The following PRKN variants were observed in gnomAD, a reference collection of about 807,000 sequenced individuals.
PRKN encodes parkin RBR E3 ubiquitin protein ligase, also known as E3 ubiquitin-protein ligase parkin.
PRKN carries 56 observed loss-of-function variants against 59.5 expected under a neutral mutation model. The ratio of observed to expected loss-of-function variants is 0.94; its 90% confidence interval spans 0.76 to 1.18. PRKN has a LOEUF of 1.18. Among genes scored for constraint, PRKN ranks in the 50% most tolerant of loss-of-function variants. The pLI is 0.00. For missense variants in PRKN, 657 were observed against 596.4 expected, an observed-to-expected ratio of 1.10 and a Z score of -1.06; for synonymous variants, 250 against 222.1, an observed-to-expected ratio of 1.13 and a Z score of -1.12.
At position 161,475,794 on chromosome 6, in the gene PRKN, T is replaced by C. The variant is rs1791036653; in HGVS notation, c.1083+73060A>G. Among the ~76,000 whole-genome samples, 1 of 152,178 alleles carries C rather than the reference T, an allele frequency of 6.6e-6. No homozygotes were observed. Among genetic ancestry groups the C allele is most frequent in the South Asian group, 2.1e-4 (1 of 4,828 alleles). On this transcript the variant is annotated intron_variant, in intron 9 of 11. Coordinates refer to ENST00000366898, the MANE Select transcript of PRKN (RefSeq NM_004562.3). The surrounding 1 kb of genome is among the most constrained non-coding windows in gnomAD (Gnocchi z 5.3). Reference sequence around the variant, plus strand: ...CTGGCCTGACTTGTTATTTAATTCATTCATAAAGAAACACATATTAAAAAC... The same window carrying C: ...CTGGCCTGACTTGTTATTTAATTCACTCATAAAGAAACACATATTAAAAAC...
intron 2 of PRKN, among the ~76,000 whole-genome samples, chr6:162,271,016 G>GTTTTTTTTT (rs61368267): frequency 3.7e-5 from 4 of 108,256 alleles, no homozygotes; most frequent in South Asian, 3.4e-4. Flanking sequence ...TAATTTTCTA[G>GTTTTTTTTT]TTTTTTTTTT....
chr6:162,579,896 G>A (rs879925064), intron 1 of PRKN, among the ~76,000 whole-genome samples: 17 of 152,106 alleles, frequency 1.1e-4, no homozygotes, highest in Admixed American at 9.8e-4. Flanking sequence ...TTTGCATGCC[G>A]ACATATACAC....
intron 1 of PRKN, among the ~76,000 whole-genome samples, chr6:162,489,042 G>A (rs1186060822): frequency 1.3e-5 from 2 of 151,602 alleles, no homozygotes; most frequent in African/African-American, 2.4e-5. Flanking sequence ...TTGGCACAGG[G>A]AGAAAGGAGC....
At chr6:162,094,084 T>C (rs1779626465) in intron 4 of PRKN, among the ~76,000 whole-genome samples, 1 of 152,032 alleles carries the variant, frequency 6.6e-6, no homozygotes, top group Admixed American at 6.6e-5. Context: ...AGGCAGCACG[T>C]CGAGATGAGA....
At chr6:161,672,363 T>C (rs1446163411) in intron 7 of PRKN, among the ~76,000 whole-genome samples, 1 of 152,262 alleles carries the variant, frequency 6.6e-6, no homozygotes, top group Non-Finnish European at 1.5e-5. Flanking sequence ...AACACAATTT[T>C]AATAACTATA....
chr6:162,372,641 A>G (rs1785830627), intron 2 of PRKN, among the ~76,000 whole-genome samples: 1 of 152,122 alleles, frequency 6.6e-6, no homozygotes, highest in South Asian at 2.1e-4. Flanking sequence ...AATGATTTGA[A>G]CCCCAAAGCT....
intron 2 of PRKN, among the ~76,000 whole-genome samples, chr6:162,276,144 A>G (rs566916458): frequency 3.5e-4 from 53 of 152,322 alleles, no homozygotes; most frequent in Admixed American, 2.4e-3. Context: ...AAGATAAAAT[A>G]CATCACGAGT....
intron 3 of PRKN, among the ~76,000 whole-genome samples, chr6:162,205,980 T>G (rs769982395): frequency 2.0e-5 from 3 of 152,172 alleles, no homozygotes; most frequent in Non-Finnish European, 4.4e-5. Context: ...CACTGGGCAG[T>G]GAAACAGCTT....
rs563426971 is a variant in PRKN, at chr6:161,904,610, C to T, written c.734+68692G>A. ...GATTACAGGCGTAAGCCACTGCACC[C>T]GACCTCAAATTTGTTTTTAAAAACA... On this transcript the variant is annotated intron_variant, in intron 6 of 11. Coordinates refer to ENST00000366898, the MANE Select transcript of PRKN (RefSeq NM_004562.3). Among the ~76,000 whole-genome samples, 10 of 152,248 alleles carry T rather than the reference C, an allele frequency of 6.6e-5. No individual in the cohort carries two copies. The East Asian group carries it at 7.7e-4, about 12-fold the overall frequency.
chr6:161,780,278 TG>T (rs1451509990), intron 7 of PRKN, among the ~76,000 whole-genome samples: 1 of 152,152 alleles, frequency 6.6e-6, no homozygotes, highest in African/African-American at 2.4e-5. Context: ...TTGTGAAAAA[TG>T]GTTCACTGGT....
chr6:162,263,317 A>T (rs1427964988), intron 2 of PRKN: 1 of 189,642 alleles, frequency 5.3e-6, no homozygotes, highest in Non-Finnish European at 1.1e-5. Context: ...GTTTTACAAA[A>T]GTACAGAAAG....
intron 1 of PRKN, among the ~76,000 whole-genome samples, chr6:162,591,448 T>G (rs1027514328): frequency 6.6e-5 from 10 of 152,170 alleles, no homozygotes; most frequent in Admixed American, 2.0e-4. Context: ...GAATGTGTAA[T>G]GATGAAGTCA....
At chr6:161,925,835 G>C (rs1778949705) in intron 6 of PRKN, among the ~76,000 whole-genome samples, 1 of 152,186 alleles carries the variant, frequency 6.6e-6, no homozygotes, top group African/African-American at 2.4e-5. Context: ...TTCTTTGCTA[G>C]TTGATGATGA....
chr6:161,878,874 G>T (rs965990726), intron 6 of PRKN, among the ~76,000 whole-genome samples: 19 of 152,258 alleles, frequency 1.2e-4, no homozygotes, highest in Non-Finnish European at 2.4e-4. Flanking sequence ...GTTGTGAATG[G>T]AATTGAAAGG....
chr6:161,735,060 G>A (rs1787907619), intron 7 of PRKN, among the ~76,000 whole-genome samples: 1 of 149,652 alleles, frequency 6.7e-6, no homozygotes, highest in Non-Finnish European at 1.5e-5. Flanking sequence ...AGTGTTAGTT[G>A]CTGCCTTCCT....
chr6:162,323,976 ATG>A (rs902554589), intron 2 of PRKN, among the ~76,000 whole-genome samples: 3 of 152,104 alleles, frequency 2.0e-5, no homozygotes, highest in African/African-American at 7.2e-5. Flanking sequence ...ATAGCCAAAA[ATG>A]TGATAAAAAC....
intron 9 of PRKN, among the ~76,000 whole-genome samples, chr6:161,439,258 A>G (rs955742952): frequency 1.3e-5 from 2 of 152,194 alleles, no homozygotes; most frequent in African/African-American, 2.4e-5. Context: ...CGGTCTCCCA[A>G]CAACTGGCCT....
At chr6:162,268,660 C>T (rs912173043) in intron 2 of PRKN, among the ~76,000 whole-genome samples, 4 of 152,108 alleles carry the variant, frequency 2.6e-5, no homozygotes. Context: ...CAAAGGGGAG[C>T]CACAGAGAAG....
chr6:161,988,908 T>C (rs185728915), intron 5 of PRKN, among the ~76,000 whole-genome samples: 4 of 152,382 alleles, frequency 2.6e-5, no homozygotes, highest in Admixed American at 2.6e-4. Context: ...ATGTTTAATT[T>C]AGCTGATTTT....
Sources: gnomAD v4.1 joint callset for allele counts (sites outside exome capture counted in the v4.1 genomes callset) on GRCh38, gnomAD v4.1.1 for gene constraint, Gnocchi (gnomAD v3.1) non-coding constraint, MANE v1.5 for transcripts, NCBI Gene and HGNC (gene_info 2026-07-23, HGNC 2026-07-21) for gene names.